Variants in MAP3K1 observed in about 807,000 individuals in gnomAD.
MAP3K1 encodes MAP/ERK kinase kinase 1.
Under a neutral mutation model 144.2 loss-of-function variants are expected in MAP3K1, and 36 were observed. That is an observed-to-expected ratio of 0.25 (90% CI 0.19 to 0.33). The LOEUF (loss-of-function observed/expected upper bound fraction) is 0.33. Ranked by LOEUF, MAP3K1 falls within the 10% of genes least tolerant of loss-of-function variation. The pLI is 1.00. For synonymous variants in MAP3K1, 718 were observed against 688.7 expected (o/e 1.04, Z -0.67); for missense variants, 1,650 against 1,881.9 (o/e 0.88, Z 2.28).
intron 1 of MAP3K1, among the ~76,000 whole-genome samples, chr5:56,822,129 T>G (rs2111750495): frequency 6.6e-6 from 1 of 152,306 alleles, no homozygotes; most frequent in Non-Finnish European, 1.5e-5. Context: ...CAAGCAATTC[T>G]CCTGCCTAGC....
intron 1 of MAP3K1, among the ~76,000 whole-genome samples, chr5:56,827,176 G>C (rs1195106830): frequency 2.0e-5 from 3 of 151,646 alleles, no homozygotes; most frequent in Non-Finnish European, 4.4e-5. Flanking sequence ...GTGGAGGCAG[G>C]GTCCAGGGAC....
chr5:56,830,902 C>T, intron 1 of MAP3K1, among the ~76,000 whole-genome samples: 1 of 150,178 alleles, frequency 6.7e-6, no homozygotes, highest in African/African-American at 2.4e-5. Context: ...TTTTAAATAC[C>T]TAGTCTAGGA....
intron 1 of MAP3K1, among the ~76,000 whole-genome samples, chr5:56,839,524 T>G (rs1388157726): frequency 6.6e-6 from 1 of 152,240 alleles, no homozygotes; most frequent in African/African-American, 2.4e-5. Context: ...TTGCCTTTTA[T>G]TTTTCCAGTG....
At chr5:56,829,187 T>TC (rs1399155204) in intron 1 of MAP3K1, among the ~76,000 whole-genome samples, 6 of 151,256 alleles carry the variant, frequency 4.0e-5, no homozygotes, top group Admixed American at 4.0e-4. Context: ...TTTTTTTTTT[T>TC]CCTCTTTTTT....
intron 1 of MAP3K1, among the ~76,000 whole-genome samples, chr5:56,834,311 G>C (rs914975266): frequency 1.9e-4 from 29 of 152,314 alleles, no homozygotes; most frequent in Admixed American, 1.3e-4. Context: ...GATAAAAAGA[G>C]AGTTTAATTC....
In MAP3K1 at chr5:56,875,053, G is replaced by A. The variant is rs1340976347; in HGVS notation, c.1708G>A (p.Gly570Ser). 1 of 1,614,162 alleles carries A rather than the reference G, an allele frequency of 6.2e-7. No individual in the cohort carries two copies. Among genetic ancestry groups the A allele is most frequent in the Non-Finnish European group, 8.5e-7 (1 of 1,180,032 alleles). Residue 570 changes from glycine to serine, a missense_variant, in exon 10 of 20, where the codon GGC becomes AGC. Gly to Ser is a moderately conservative substitution (Grantham distance 56, BLOSUM62 0). Coordinates refer to ENST00000399503, the MANE Select transcript of MAP3K1 (RefSeq NM_005921.2). ...ACAGGTGTTTGGAATGGAACTCGTT[G>A]GCTGCTTATTTTCTAGAAACTGGAA... Reference protein sequence around the residue: ...WIQVFGMELVGCLFSRNWNVR... With the variant: ...WIQVFGMELVSCLFSRNWNVR...
At chr5:56,816,789 C>A (rs1745989231) in intron 1 of MAP3K1, among the ~76,000 whole-genome samples, 1 of 152,216 alleles carries the variant, frequency 6.6e-6, no homozygotes, top group Non-Finnish European at 1.5e-5. Context: ...ATTGCAGCCC[C>A]CAAGGGGCTT....
Position 56,881,811 on chromosome 5 carries a change from T to A in MAP3K1, c.2611T>A (p.Leu871Met), listed in dbSNP as rs1748217955. 6.2e-7 allele frequency: 1 copy of A among 1,614,114 alleles called. No individual in the cohort carries two copies. The highest frequency in any genetic ancestry group is 8.5e-7 in the Non-Finnish European group (1 of 1,180,028). The part of the protein sequence containing the change: ...DEVEIAEAIQ[L>M]GVEDTLDGQQ... ...GGTGGAAATTGCCGAAGCCATCCAG[T>A]TGGGCGTAGAAGACACTTTGGATGG... The change falls in exon 14 of 20, where the codon TTG becomes ATG. Residue 871 changes from leucine (L) to methionine (M), a missense_variant. Transcript: ENST00000399503.
intron 11 of MAP3K1, among the ~76,000 whole-genome samples, chr5:56,879,669 T>G (rs1187044203): frequency 6.6e-6 from 1 of 152,166 alleles, no homozygotes; most frequent in African/African-American, 2.4e-5. Context: ...AGAATTGAGG[T>G]ACAATGACAG....
chr5:56,844,254 A>G (rs1746915687), intron 1 of MAP3K1, among the ~76,000 whole-genome samples: 1 of 126,540 alleles, frequency 7.9e-6, no homozygotes, highest in Admixed American at 1.1e-4. Flanking sequence ...ATCTCAGCTC[A>G]CTGCAAGCTC....
chr5:56,835,732 A>G (rs992330153), intron 1 of MAP3K1, among the ~76,000 whole-genome samples: 2 of 151,772 alleles, frequency 1.3e-5, no homozygotes, highest in African/African-American at 4.8e-5. Flanking sequence ...AAGGGGGGGA[A>G]TTTTACAAGC....
chr5:56,872,985 T>G lies in MAP3K1; in HGVS notation c.1666T>G (p.Leu556Val), dbSNP rs763710987. Residue 556 changes from leucine to valine, a missense_variant, in exon 9 of 20, where the codon TTA (leucine) becomes GTA (valine). Leu to Val is a conservative substitution (Grantham distance 32). Transcript: ENST00000399503. ...GCAAATCCCTCCTGCTTACAAAGAT[T>G]TAGCTGAGCCATGGATTCAGGTAAG... ...TQQIPPAYKDLAEPWIQVFGM... is the reference protein window; with the variant it reads ...TQQIPPAYKDVAEPWIQVFGM... 8 of 1,613,928 alleles carry G rather than the reference T, an allele frequency of 5.0e-6. 1 individual carries two copies. In the South Asian group the frequency reaches 8.8e-5, roughly 18 times the overall value.
intron 1 of MAP3K1, among the ~76,000 whole-genome samples, chr5:56,833,967 C>T (rs1746570807): frequency 6.6e-6 from 1 of 152,072 alleles, no homozygotes; most frequent in South Asian, 2.1e-4. Context: ...ATTATAAGAG[C>T]TTAGTGACTG....
intron 1 of MAP3K1, among the ~76,000 whole-genome samples, chr5:56,841,763 A>G (rs1746822104): frequency 6.6e-6 from 1 of 152,198 alleles, no homozygotes. Flanking sequence ...GTGATTTCAT[A>G]GGTTCTTAAG....
Position 56,881,967 on chromosome 5 carries a change from A to T in MAP3K1, c.2767A>T (p.Ser923Cys). The stretch of plus-strand genomic sequence containing the variant: ...ATTATGTGCTACAAAATTGAGTGCC[A>T]GTTCAGAGGACATTTCTGAGAGACT... ...KGLCATKLSA[S>C]SEDISERLAS... The change falls in exon 14 of 20, where the codon AGT becomes TGT. Residue 923 changes from serine to cysteine, a missense_variant. Physicochemically the swap from Ser to Cys is moderately radical, Grantham distance 112. Transcript: ENST00000399503. 1 of 1,614,138 alleles carries T rather than the reference A, an allele frequency of 6.2e-7. No individual in the cohort carries two copies. Among genetic ancestry groups the T allele is most frequent in the Non-Finnish European group, 8.5e-7 (1 of 1,180,030 alleles).
intron 1 of MAP3K1, among the ~76,000 whole-genome samples, chr5:56,844,183 G>GTTTTTTTTTTTTTTTTTTTTTTTTTTT (rs770169813): frequency 1.3e-5 from 1 of 76,092 alleles, no homozygotes; most frequent in African/African-American, 5.4e-5. Context: ...GTTTTTTTTG[G>GTTTTTTTTTTTTTTTTTTTTTTTTTTT]TTTTTTTTTT....
chr5:56,895,597 A>G lies in MAP3K1; in HGVS notation c.*1917A>G, dbSNP rs910523622. 4 of 232,184 alleles carry G rather than the reference A, an allele frequency of 1.7e-5. No individual in the cohort carries two copies. The highest frequency in any genetic ancestry group is 6.6e-5 in the African/African-American group (3 of 45,268). The allele number at this position is 232,184 out of a possible 1,614,324, so 14.4% of individuals were successfully genotyped here. On this transcript the variant is annotated 3_prime_UTR_variant, in exon 20 of 20. Coordinates refer to ENST00000399503, the MANE Select transcript of MAP3K1 (RefSeq NM_005921.2). ...GCCCACCACATTTCAAACTCAAACT[A>G]TCTGTAGATTTCAAAATCCATTGTG...
At chr5:56,828,293 G>A (rs1300970317) in intron 1 of MAP3K1, among the ~76,000 whole-genome samples, 9 of 152,160 alleles carry the variant, frequency 5.9e-5, no homozygotes, top group Non-Finnish European at 1.3e-4. Context: ...TTATCTCTGT[G>A]ACCTAATGCA....
Position 56,882,227 on chromosome 5 carries a change from C to T in MAP3K1, c.3027C>T (p.Phe1009=), listed in dbSNP as rs999657670. The change falls in exon 14 of 20, where the codon TTC becomes TTT. Residue 1009 remains phenylalanine (F), a synonymous_variant. Transcript: ENST00000399503. ...TCTCTAAGCATAGACTTCAGGGATT[C>T]ATTCCCTGCAGAATACCTTCTGCAT... is the stretch of plus-strand genomic sequence containing the variant. ...TDVSKHRLQG[F]IPCRIPSASP... 1 of 1,614,116 alleles carries T rather than the reference C, an allele frequency of 6.2e-7. No individual in the cohort carries two copies. The highest frequency in any genetic ancestry group is 1.1e-5 in the South Asian group (1 of 91,072).
Sources: gnomAD v4.1 joint callset for allele counts (sites outside exome capture counted in the v4.1 genomes callset) on GRCh38, gnomAD v4.1.1 for gene constraint, MANE v1.5 for transcripts, NCBI Gene and HGNC (gene_info 2026-07-23, HGNC 2026-07-21) for gene names.